Variants in SESN3 observed in about 807,000 individuals in gnomAD.
The protein encoded by SESN3 is sestrin 3, also known as sestrin-3.
Under a neutral mutation model 55.3 loss-of-function variants are expected in SESN3, and 21 were observed. That is an observed-to-expected ratio of 0.38 (90% confidence interval 0.27 to 0.55). SESN3 has a LOEUF of 0.55. Among genes scored for constraint, SESN3 ranks in the 20% least tolerant of loss-of-function variants. SESN3 has a pLI of 0.76. For synonymous variants in SESN3, 181 were observed against 203.1 expected, an observed-to-expected ratio of 0.89 and a Z score of 0.93; for missense variants, 408 against 604.3, an observed-to-expected ratio of 0.68 and a Z score of 3.41.
intron 4 of SESN3, among the ~76,000 whole-genome samples, chr11:95,185,966 A>G (rs1860155056): frequency 6.6e-6 from 1 of 152,032 alleles, no homozygotes; most frequent in Non-Finnish European, 1.5e-5. Flanking sequence ...GATGACAGAA[A>G]TTGTAGAATA....
intron 1 of SESN3, chr11:95,204,182 C>T (rs1860506885): frequency 6.6e-6 from 1 of 152,126 alleles, no homozygotes; most frequent in Non-Finnish European, 1.5e-5. Flanking sequence ...ATAAAACCTT[C>T]CCAATATTAA....
At chr11:95,211,998 C>G (rs1860663839) in intron 1 of SESN3, among the ~76,000 whole-genome samples, 1 of 152,010 alleles carries the variant, frequency 6.6e-6, no homozygotes, top group Admixed American at 6.6e-5. Context: ...GAAAGTAAAG[C>G]CACTTAAGTA....
intron 1 of SESN3, among the ~76,000 whole-genome samples, chr11:95,219,955 CAT>C (rs1210136887): frequency 2.0e-5 from 3 of 152,090 alleles, no homozygotes; most frequent in Non-Finnish European, 4.4e-5. Context: ...AACTTAACCA[CAT>C]ATCTTACTGT....
At chr11:95,199,736 A>G (rs1314425965) in intron 1 of SESN3, among the ~76,000 whole-genome samples, 1 of 152,064 alleles carries the variant, frequency 6.6e-6, no homozygotes, top group Non-Finnish European at 1.5e-5. Context: ...ATTTTATTAA[A>G]AGTGGAAAAG....
Position 95,185,283 on chromosome 11 carries a change from A to G in SESN3, c.735T>C (p.Asn245=), listed in dbSNP as rs1860141980. ...CAAAGTTGCTGCCTGAAAGAGATGC[A>G]TTCTCTATGTTGTTGTCATTAGCAA... is the stretch of plus-strand genomic sequence containing the variant. ...CDLANDNNIE[N]ASLSGSNFGI... The change falls in exon 5 of 10, where the codon AAT becomes AAC. Residue 245 remains asparagine, a synonymous_variant. Coordinates refer to ENST00000536441, the MANE Select transcript of SESN3 (RefSeq NM_144665.4). The G allele has an allele frequency of 6.2e-7, 1 of 1,610,936 alleles. No individual in the cohort carries two copies. Among genetic ancestry groups the G allele is most frequent in the Non-Finnish European group, 8.5e-7 (1 of 1,177,394 alleles).
chr11:95,203,628 A>G (rs917761721), intron 1 of SESN3: 2 of 152,150 alleles, frequency 1.3e-5, no homozygotes, highest in African/African-American at 2.4e-5. Context: ...TATTTTGTCA[A>G]TCCTCAAGTC....
At chr11:95,214,908 T>C (rs1240960298) in intron 1 of SESN3, among the ~76,000 whole-genome samples, 1 of 152,160 alleles carries the variant, frequency 6.6e-6, no homozygotes, top group Non-Finnish European at 1.5e-5. Context: ...CAAAACCCAA[T>C]TCCTTTTTCC....
rs2134199202 is a variant in SESN3 at position 95,166,174 on chromosome 11, A to G, written c.*7081T>C. ...ATCTATTTGATAAAAGCTTATTCTAATTTAAAACCTTATAGAGTAAGAGAC... is the reference window on the plus strand; with the variant it reads ...ATCTATTTGATAAAAGCTTATTCTAGTTTAAAACCTTATAGAGTAAGAGAC... On this transcript the variant is annotated 3_prime_UTR_variant, in exon 10 of 10. Transcript: ENST00000536441. The G allele has an allele frequency of 1.3e-5, 2 of 152,262 alleles. No individual in the cohort carries two copies. The highest frequency in any genetic ancestry group is 4.1e-4 in the South Asian group (2 of 4,834). The allele number at this position is 152,262 out of a possible 1,614,324, so 9.4% of individuals were successfully genotyped here.
intron 1 of SESN3, among the ~76,000 whole-genome samples, chr11:95,219,914 G>A (rs917043920): frequency 2.6e-5 from 4 of 152,070 alleles, no homozygotes; most frequent in African/African-American, 9.7e-5. Flanking sequence ...ACAAATGCCT[G>A]AACATACCTG....
rs369133097 is a variant in SESN3, at chr11:95,196,741, T to A, written c.79-3219A>T. The stretch of plus-strand genomic sequence containing the variant: ...CAGCCACATAGGACCACGTGTACTC[T>A]ACAGGACAGCGCAGACATTTCCATC... On this transcript the variant is annotated intron_variant, in intron 1 of 9. Coordinates refer to ENST00000536441, the MANE Select transcript of SESN3 (RefSeq NM_144665.4). Among the ~76,000 whole-genome samples, 4 of 152,340 alleles carry A rather than the reference T, an allele frequency of 2.6e-5. No individual in the cohort carries two copies. The East Asian group carries it at 7.7e-4, about 29-fold the overall frequency.
intron 4 of SESN3, 46 bp downstream of exon 4, chr11:95,189,733 T>A (rs1860231604): frequency 7.2e-7 from 1 of 1,397,988 alleles, no homozygotes; most frequent in Non-Finnish European, 9.8e-7. Flanking sequence ...TATTTAAAAT[T>A]AAGTCCTAAG....
At chr11:95,218,737 G>A (rs916343069) in intron 1 of SESN3, among the ~76,000 whole-genome samples, 2 of 141,924 alleles carry the variant, frequency 1.4e-5, no homozygotes, top group Non-Finnish European at 3.0e-5. Context: ...TGCAAGCTCC[G>A]CCTCCCGGGT....
chr11:95,228,514 T>C (rs190527740), intron 1 of SESN3, among the ~76,000 whole-genome samples: 2 of 152,318 alleles, frequency 1.3e-5, no homozygotes, highest in East Asian at 3.9e-4. Flanking sequence ...AGATGACTTT[T>C]AACTTAGAGT....
intron 8 of SESN3, 105 bp from the exon 9 acceptor site, chr11:95,175,747 C>T (rs898437945): frequency 2.4e-5 from 22 of 912,474 alleles, no homozygotes; most frequent in South Asian, 1.9e-4. Context: ...ACTAAAAGCT[C>T]GTTAATTAAT....
At chr11:95,216,842 T>G (rs2134261924) in intron 1 of SESN3, among the ~76,000 whole-genome samples, 1 of 152,028 alleles carries the variant, frequency 6.6e-6, no homozygotes, top group Non-Finnish European at 1.5e-5. Context: ...GCATAGTGGC[T>G]CACACCTGTA....
intron 1 of SESN3, among the ~76,000 whole-genome samples, chr11:95,219,154 T>A (rs1447143094): frequency 6.6e-6 from 1 of 152,212 alleles, no homozygotes; most frequent in Non-Finnish European, 1.5e-5. Context: ...GGTCATACTC[T>A]ATTAAAACAA....
In SESN3 at chr11:95,185,511, T is replaced by C; in HGVS notation, c.526-19A>G. The C allele has an allele frequency of 2.7e-6, 4 of 1,477,598 alleles. No homozygotes were observed. Among genetic ancestry groups the C allele is most frequent in the Non-Finnish European group, 3.8e-6 (4 of 1,059,360 alleles). 91.5% of individuals were successfully genotyped at this position (1,477,598 alleles called of 1,614,324 possible). A position where few individuals can be genotyped will look rare whatever the true frequency, so the allele number is the denominator to read the frequency against. ...CAAGTTTCTGAAATAAGAAAGCAAA[T>C]CAGAGCAAATATAAAAATTCTAGAA... On this transcript the variant is annotated intron_variant, in intron 4 of 9. Transcript: ENST00000536441.
At chr11:95,213,756 G>T (rs1271219873) in intron 1 of SESN3, among the ~76,000 whole-genome samples, 2 of 152,088 alleles carry the variant, frequency 1.3e-5, no homozygotes, top group Non-Finnish European at 2.9e-5. Flanking sequence ...TATTCTTTAT[G>T]AGAGTAAAAT....
chr11:95,203,139 C>T (rs1403637922), intron 1 of SESN3, among the ~76,000 whole-genome samples: 1 of 152,090 alleles, frequency 6.6e-6, no homozygotes, highest in Admixed American at 6.6e-5. Flanking sequence ...CATCTACCAG[C>T]TTGACTATAG....
Sources: allele counts gnomAD v4.1 joint callset (sites outside exome capture counted in the v4.1 genomes callset), GRCh38; gene constraint gnomAD v4.1.1; transcripts MANE v1.5; gene names NCBI Gene and HGNC (gene_info 2026-07-23, HGNC 2026-07-21).